FHOD3: variants seen among roughly 807,000 people sequenced by gnomAD.
FHOD3 encodes the protein FH1/FH2 domain-containing protein 3.
FHOD3 carries 90 observed loss-of-function variants against 173.0 expected under a neutral mutation model. The ratio of observed to expected loss-of-function variants is 0.52; its 90% CI spans 0.44 to 0.62. The LOEUF is 0.62. Among genes scored for constraint, FHOD3 ranks in the 20% least tolerant of loss-of-function variants. The pLI is 0.00. For synonymous variants in FHOD3, 828 were observed against 823.0 expected, an observed-to-expected ratio of 1.01 and a Z score of -0.10; for missense variants, 1,945 against 2,034.7, an observed-to-expected ratio of 0.96 and a Z score of 0.85.
At chr18:36,772,683 C>A (rs2043439523) in intron 28 of FHOD3, among the ~76,000 whole-genome samples, 2 of 152,224 alleles carry the variant, frequency 1.3e-5, no homozygotes, top group Admixed American at 6.5e-5. Flanking sequence ...GCTGGGATAG[C>A]CAAGGGCCTC....
At chr18:36,413,265 A>G (rs1007473708) in intron 3 of FHOD3, among the ~76,000 whole-genome samples, 1 of 152,104 alleles carries the variant, frequency 6.6e-6, no homozygotes, top group African/African-American at 2.4e-5. Flanking sequence ...GAACAAGCTC[A>G]TTTTCCGGGT....
At chr18:36,617,872 C>T (rs2033356154) in intron 9 of FHOD3, among the ~76,000 whole-genome samples, 3 of 151,926 alleles carry the variant, frequency 2.0e-5, no homozygotes, top group Non-Finnish European at 4.4e-5. Context: ...GTTTAAACTT[C>T]CTATTGTTAC....
chr18:36,357,357 A>G (rs1470220589), intron 2 of FHOD3, among the ~76,000 whole-genome samples: 1 of 152,194 alleles, frequency 6.6e-6, no homozygotes. Context: ...GCATTTTCTC[A>G]GCATGTTTCA....
chr18:36,745,746 C>T (rs2150099361), intron 23 of FHOD3, among the ~76,000 whole-genome samples: 1 of 148,584 alleles, frequency 6.7e-6, no homozygotes, highest in African/African-American at 2.5e-5. Context: ...ACCTCCCGCT[C>T]ACCCCCCGCC....
chr18:36,356,416 C>A (rs2046362500), intron 2 of FHOD3, among the ~76,000 whole-genome samples: 1 of 152,190 alleles, frequency 6.6e-6, no homozygotes, highest in East Asian at 1.9e-4. Flanking sequence ...GGAATATACC[C>A]ATATCAGCAG....
At chr18:36,401,886 G>C (rs10163778) in intron 3 of FHOD3, among the ~76,000 whole-genome samples, 34,973 of 152,114 alleles carry the variant, frequency 0.23, 4,567 homozygotes, top group East Asian at 0.67. Flanking sequence ...AAATATGTAA[G>C]TTACACAGAA....
intron 3 of FHOD3, among the ~76,000 whole-genome samples, chr18:36,469,769 C>T (rs914928695): frequency 5.0e-5 from 7 of 141,094 alleles, no homozygotes; most frequent in South Asian, 2.6e-4. Flanking sequence ...AAAGTTGTTC[C>T]GGAGTTGTGG....
chr18:36,577,419 G>T (rs1177483925), intron 6 of FHOD3, among the ~76,000 whole-genome samples: 2 of 152,076 alleles, frequency 1.3e-5, no homozygotes, highest in Non-Finnish European at 2.9e-5. Flanking sequence ...TCCCATGCCT[G>T]TCTCCCAAGT....
chr18:36,315,679 T>C (rs1039608470), intron 1 of FHOD3, among the ~76,000 whole-genome samples: 1 of 152,198 alleles, frequency 6.6e-6, no homozygotes, highest in Non-Finnish European at 1.5e-5. Context: ...GCCCAGAACC[T>C]GTGTGCTCAC....
At chr18:36,362,404 A>T (rs2046670069) in intron 2 of FHOD3, among the ~76,000 whole-genome samples, 1 of 152,198 alleles carries the variant, frequency 6.6e-6, no homozygotes, top group Admixed American at 6.5e-5. Context: ...ATGGTGGACT[A>T]GTTAGGGAAA....
intron 19 of FHOD3, among the ~76,000 whole-genome samples, chr18:36,720,019 C>T (rs1290757326): frequency 6.6e-6 from 1 of 150,706 alleles, no homozygotes; most frequent in African/African-American, 2.4e-5. Flanking sequence ...AAAATTAAAG[C>T]TTTCTCATTT....
chr18:36,701,725 A>G lies in FHOD3; in HGVS notation c.2237-7370A>G, dbSNP rs1003962182. Among the ~76,000 whole-genome samples, 28 of 152,352 alleles carry G rather than the reference A, an allele frequency of 1.8e-4. No homozygotes were observed. In the East Asian group the frequency reaches 3.5e-3, roughly 19 times the overall value. On this transcript the variant is annotated intron_variant, in intron 17 of 28. Coordinates refer to ENST00000590592, the MANE Select transcript of FHOD3 (RefSeq NM_001281740.3). ...TTTGTATTTGGGGGTAACACAGCCC[A>G]TGAATGCAATCCCAGCACTTAAGGA...
At chr18:36,576,387 G>T in intron 5 of FHOD3, 64 bp from the exon 6 acceptor site, 1 of 1,195,464 alleles carries the variant, frequency 8.4e-7, no homozygotes, top group South Asian at 1.4e-5. Flanking sequence ...TCAGCATTAT[G>T]ATCACTGAAG....
At chr18:36,442,240 ATTCTT>A (rs766297697) in intron 3 of FHOD3, among the ~76,000 whole-genome samples, 5 of 152,280 alleles carry the variant, frequency 3.3e-5, no homozygotes, top group Non-Finnish European at 5.9e-5. Flanking sequence ...AGTATGTGGC[ATTCTT>A]TGAGCTGAAA....
rs571218320 is a variant in FHOD3 at position 36,657,971 on chromosome 18, C to G, written c.1722-104C>G. The G allele has an allele frequency of 9.4e-5, 75 of 797,316 alleles. 1 individual carries two copies. The South Asian group carries it at 1.2e-3, about 13-fold the overall frequency. The allele number at this position is 797,316 out of a possible 1,614,324, so 49.4% of individuals were successfully genotyped here. The stretch of plus-strand genomic sequence containing the variant: ...ACTAACAGTGGTAGCATTTCCAGAC[C>G]TGTTTCTCTTGCAAAAATTAAAATG... On this transcript the variant is annotated intron_variant, in intron 13 of 28. Transcript: ENST00000590592.
intron 1 of FHOD3, among the ~76,000 whole-genome samples, chr18:36,350,341 T>A (rs9947625): frequency 0.057 from 8,663 of 152,194 alleles, 828 homozygotes; most frequent in African/African-American, 0.2. Flanking sequence ...TACAGCCCTA[T>A]CTGTGTGAGC....
At chr18:36,611,922 T>G (rs1422401661) in intron 8 of FHOD3, 30 bp from the exon 9 acceptor site, 2 of 1,601,578 alleles carry the variant, frequency 1.2e-6, no homozygotes, top group East Asian at 2.2e-5. Context: ...TTCTGTGGTG[T>G]CTCTGTAGCT....
At chr18:36,419,413 G>A (rs929176911) in intron 3 of FHOD3, among the ~76,000 whole-genome samples, 3 of 151,940 alleles carry the variant, frequency 2.0e-5, no homozygotes, top group Admixed American at 1.3e-4. Flanking sequence ...TCCCAGTTTA[G>A]CTGTTGGGTT....
rs116615239 is a variant in FHOD3 at position 36,555,945 on chromosome 18, A to T, written c.512-20506A>T. On this transcript the variant is annotated intron_variant, in intron 5 of 28. Coordinates refer to ENST00000590592, the MANE Select transcript of FHOD3 (RefSeq NM_001281740.3). ...GATTTTTTTCTCTTTATATGAAAAG[A>T]TCATTTCTGTAGGACTCATGTAATC... 2.0e-3 allele frequency among the ~76,000 whole-genome samples: 303 copies of T among 152,234 alleles called. 1 individual carries two copies. The highest frequency in any genetic ancestry group is 7.0e-3 in the African/African-American group (289 of 41,558).
Sources: allele counts gnomAD v4.1 joint callset (sites outside exome capture counted in the v4.1 genomes callset), GRCh38; gene constraint gnomAD v4.1.1; transcripts MANE v1.5; gene names NCBI Gene and HGNC (gene_info 2026-07-23, HGNC 2026-07-21).